Variants in RWDD1 observed in about 807,000 individuals in gnomAD.
The protein encoded by RWDD1 is RWD domain-containing protein 1.
Under a neutral mutation model 31.6 loss-of-function variants are expected in RWDD1, and 17 were observed. The observed-to-expected ratio is 0.54, with a 90% confidence interval of 0.37 to 0.81. RWDD1 has a LOEUF of 0.81. RWDD1 is among the 30% of genes least tolerant of loss of function. The probability of loss-of-function intolerance (pLI) is 0.00; values close to 1 mark genes in which losing one functional copy is unlikely to be tolerated. For missense variants in RWDD1, 204 were observed against 274.5 expected (o/e 0.74, Z 1.82); for synonymous variants, 78 against 94.2 (o/e 0.83, Z 0.99).
At chr6:116,579,104 G>C (rs144409184) in intron 1 of RWDD1, among the ~76,000 whole-genome samples, 4,175 of 152,282 alleles carry the variant, frequency 0.027, 193 homozygotes, top group African/African-American at 0.094. Flanking sequence ...TCGAACTCCT[G>C]GCTTCAAGTG....
intron 1 of RWDD1, among the ~76,000 whole-genome samples, chr6:116,577,432 T>A (rs1774867034): frequency 6.6e-6 from 1 of 151,918 alleles, no homozygotes; most frequent in Non-Finnish European, 1.5e-5. Context: ...TGGCTTTAGC[T>A]ATCACCTCTG....
chr6:116,580,600 AAT>A (rs1436964898), intron 2 of RWDD1, among the ~76,000 whole-genome samples: 2 of 152,160 alleles, frequency 1.3e-5, no homozygotes, highest in Non-Finnish European at 2.9e-5. Flanking sequence ...GTGAAATAGT[AAT>A]ATTAATAATA....
intron 2 of RWDD1, 125 bp from the exon 3 acceptor site, chr6:116,584,602 T>C (rs1293087895): frequency 1.1e-5 from 8 of 754,116 alleles, no homozygotes; most frequent in Non-Finnish European, 2.2e-6. Flanking sequence ...TGATTATCCA[T>C]CTGGTCTCTT....
At chr6:116,586,888 T>C (rs1410038089) in intron 3 of RWDD1, among the ~76,000 whole-genome samples, 3 of 152,178 alleles carry the variant, frequency 2.0e-5, no homozygotes, top group African/African-American at 7.2e-5. Context: ...TGGTATCTGT[T>C]TTCTCACATT....
intron 3 of RWDD1, among the ~76,000 whole-genome samples, chr6:116,586,842 AG>A (rs1775049298): frequency 6.6e-6 from 1 of 152,210 alleles, no homozygotes; most frequent in South Asian, 2.1e-4. Flanking sequence ...GCCTTCAAAA[AG>A]GTTGTGCCAA....
In RWDD1 at chr6:116,590,255, T is replaced by A; in HGVS notation, c.415-17T>A. 1 of 1,444,626 alleles carries A rather than the reference T, an allele frequency of 6.9e-7. No homozygotes were observed. The highest frequency in any genetic ancestry group is 9.4e-7 in the Non-Finnish European group (1 of 1,066,026). 89.5% of individuals were successfully genotyped at this position (1,444,626 alleles called of 1,614,324 possible). A position where few individuals can be genotyped will look rare whatever the true frequency, so the allele number is the denominator to read the frequency against. On this transcript the variant is annotated splice_polypyrimidine_tract_variant and intron_variant, in intron 4 of 6. Transcript: ENST00000466444. The stretch of plus-strand genomic sequence containing the variant: ...CTGTTTCATTAATCTGGTGACTTTT[T>A]TTTTTTATTTCCTAAGCAATTATTC...
In RWDD1 at chr6:116,597,643, A is replaced by G. The variant is rs1343029244; in HGVS notation, c.*4542A>G. The G allele has an allele frequency of 1.3e-5, 2 of 152,076 alleles. No individual in the cohort carries two copies. Among genetic ancestry groups the G allele is most frequent in the East Asian group, 1.9e-4 (1 of 5,202 alleles). 9.4% of individuals were successfully genotyped at this position (152,076 alleles called of 1,614,324 possible). ...TTTAAGTTTAAATTTTTTTAAAAAAACAGGTAAAAATAAAATATTTGCCAA... is the reference window on the plus strand; with the variant it reads ...TTTAAGTTTAAATTTTTTTAAAAAAGCAGGTAAAAATAAAATATTTGCCAA... On this transcript the variant is annotated 3_prime_UTR_variant, in exon 7 of 7. Transcript: ENST00000466444.
At position 116,588,894 on chromosome 6, in the gene RWDD1, A is replaced by T. The variant is rs1175250079; in HGVS notation, c.323A>T (p.Gln108Leu). The T allele has an allele frequency of 6.6e-7, 1 of 1,526,198 alleles. No homozygotes were observed. Among genetic ancestry groups the T allele is most frequent in the African/African-American group, 1.4e-5 (1 of 69,704 alleles). 94.5% of individuals were successfully genotyped at this position (1,526,198 alleles called of 1,614,324 possible). A position where few individuals can be genotyped will look rare whatever the true frequency, so the allele number is the denominator to read the frequency against. Residue 108 changes from glutamine (Q) to leucine (L), a missense_variant, in exon 4 of 7, where the codon CAA becomes CTA. Transcript: ENST00000466444. Reference protein sequence around the residue: ...VMIFTLVTAVQEKLNEIVDQI... With the variant: ...VMIFTLVTAVLEKLNEIVDQI... ...ATTTTTACTCTAGTGACAGCTGTGC[A>T]AGAAAAATTAAATGAAATAGTAGAT... is the stretch of plus-strand genomic sequence containing the variant.
At chr6:116,577,979 C>T (rs1218494160) in intron 1 of RWDD1, among the ~76,000 whole-genome samples, 3 of 152,178 alleles carry the variant, frequency 2.0e-5, no homozygotes, top group African/African-American at 4.8e-5. Flanking sequence ...GCCTCAAGTG[C>T]ATTTCCCTTC....
intron 1 of RWDD1, among the ~76,000 whole-genome samples, chr6:116,575,125 T>C (rs59135262): frequency 0.03 from 4,614 of 152,174 alleles, 97 homozygotes; most frequent in Middle Eastern, 0.099. Flanking sequence ...CTCCCTTTGT[T>C]GCCCAGGCTA....
intron 1 of RWDD1, among the ~76,000 whole-genome samples, chr6:116,572,126 G>A (rs976234872): frequency 6.6e-6 from 1 of 150,704 alleles, no homozygotes; most frequent in African/African-American, 2.4e-5. Context: ...TTTGAGAGTA[G>A]CATAGTCCCT....
intron 1 of RWDD1, among the ~76,000 whole-genome samples, chr6:116,577,019 GC>G (rs1774857633): frequency 6.6e-6 from 1 of 152,172 alleles, no homozygotes; most frequent in African/African-American, 2.4e-5. Context: ...TGTAGACACT[GC>G]CACATCAGAC....
intron 3 of RWDD1, among the ~76,000 whole-genome samples, chr6:116,586,474 A>G (rs530142424): frequency 6.6e-6 from 1 of 152,292 alleles, no homozygotes; most frequent in African/African-American, 2.4e-5. Context: ...AGTTACACAT[A>G]TATGAGTCAT....
chr6:116,580,412 A>T (rs774115638), intron 2 of RWDD1, 52 bp downstream of exon 2: 26 of 1,381,534 alleles, frequency 1.9e-5, no homozygotes, highest in Non-Finnish European at 2.5e-5. Flanking sequence ...CAGGAATTTC[A>T]CTCATTCTGT....
intron 3 of RWDD1, among the ~76,000 whole-genome samples, chr6:116,586,513 T>C (rs1775042711): frequency 6.6e-6 from 1 of 152,218 alleles, no homozygotes; most frequent in African/African-American, 2.4e-5. Flanking sequence ...AGAATTTCAT[T>C]GTATGTATAT....
Position 116,588,955 on chromosome 6 carries a change from AAAAG to A in RWDD1, c.388_391del (p.Glu130LysfsTer22). 1.4e-6 allele frequency: 2 copies of A among 1,434,094 alleles called. No homozygotes were observed. Among genetic ancestry groups the A allele is most frequent in the Non-Finnish European group, 1.8e-6 (2 of 1,084,148 alleles). The allele number at this position is 1,434,094 out of a possible 1,614,324, so 88.8% of individuals were successfully genotyped here. A position where few individuals can be genotyped will look rare whatever the true frequency, so the allele number is the denominator to read the frequency against. The stretch of plus-strand genomic sequence containing the variant: ...CTAGAAGAGAAGAAGAAAAGAAACA[AAAAG>A]AAAAAGAAGCAGAAGAAGCTGAAAA... On this transcript the variant is annotated frameshift_variant, in exon 4 of 7. Coordinates refer to ENST00000466444, the MANE Select transcript of RWDD1 (RefSeq NM_015952.4). LOFTEE classifies it high-confidence loss of function.
intron 6 of RWDD1, among the ~76,000 whole-genome samples, 195 bp downstream of exon 6, chr6:116,591,145 AT>A (rs1214714014): frequency 6.6e-6 from 1 of 152,074 alleles, no homozygotes; most frequent in African/African-American, 2.4e-5. Context: ...AGTCTCTTTA[AT>A]TTTGAACCAT....
intron 4 of RWDD1, among the ~76,000 whole-genome samples, chr6:116,589,403 T>A (rs1402872563): frequency 6.6e-6 from 1 of 152,188 alleles, no homozygotes; most frequent in Non-Finnish European, 1.5e-5. Flanking sequence ...CGAATTTGTG[T>A]TGGGCCACAT....
At position 116,595,109 on chromosome 6, in the gene RWDD1, A is replaced by T. The variant is rs1268968775; in HGVS notation, c.*2008A>T. On this transcript the variant is annotated 3_prime_UTR_variant, in exon 7 of 7. Transcript: ENST00000466444. Reference sequence around the variant, plus strand: ...GAAGCTGATCAGCAGATACATAAGAACCTGGAAGAAGCTGCTCAATTAAGG... The same window carrying T: ...GAAGCTGATCAGCAGATACATAAGATCCTGGAAGAAGCTGCTCAATTAAGG... 2 of 152,226 alleles carry T rather than the reference A, an allele frequency of 1.3e-5. No individual in the cohort carries two copies. Among genetic ancestry groups the T allele is most frequent in the Admixed American group, 6.5e-5 (1 of 15,284 alleles). 9.4% of individuals were successfully genotyped at this position (152,226 alleles called of 1,614,324 possible). A position where few individuals can be genotyped will look rare whatever the true frequency, so the allele number is the denominator to read the frequency against.
Sources: allele counts gnomAD v4.1 joint callset (sites outside exome capture counted in the v4.1 genomes callset), GRCh38; gene constraint gnomAD v4.1.1; transcripts MANE v1.5; gene names NCBI Gene and HGNC (gene_info 2026-07-23, HGNC 2026-07-21).